The following AKAP7 variants were observed in gnomAD, a reference collection of about 807,000 sequenced individuals.
AKAP7 encodes the protein A-kinase anchoring protein 7, also known as A kinase (PRKA) anchor protein 7.
A neutral mutation model predicts 39.5 loss-of-function variants in AKAP7; 39 were observed. That is an observed-to-expected ratio of 0.99 (90% CI 0.76 to 1.29). The LOEUF (loss-of-function observed/expected upper bound fraction) is 1.29, where lower values mean the gene tolerates loss of function less well. Ranked by LOEUF, AKAP7 falls within the 50% of genes most tolerant of loss-of-function variation. AKAP7 has a pLI of 0.00. For synonymous variants in AKAP7, 140 were observed against 139.1 expected (o/e 1.01, Z -0.05); for missense variants, 414 against 407.7 (o/e 1.02, Z -0.13).
At chr6:131,232,229 G>T (rs958259757) in intron 7 of AKAP7, among the ~76,000 whole-genome samples, 3 of 152,174 alleles carry the variant, frequency 2.0e-5, no homozygotes, top group Non-Finnish European at 2.9e-5. Flanking sequence ...CTAAAATGAT[G>T]CAGTAGTAAG....
rs75701714 is a variant in AKAP7 at position 131,198,666 on chromosome 6, T to A, written c.590-795T>A. Among the ~76,000 whole-genome samples the A allele has an allele frequency of 4.6e-3, 702 of 152,288 alleles. 5 individuals carry two copies. Among genetic ancestry groups the A allele is most frequent in the Middle Eastern group, 0.014 (4 of 294 alleles). On this transcript the variant is annotated intron_variant, in intron 5 of 7. Transcript: ENST00000431975. ...AATGGAACAGTATTCCTGGGCTCCA[T>A]CTGGGTTTCTCCTACTTATAGAAGG...
chr6:131,173,177 G>A (rs1804241237), intron 5 of AKAP7, among the ~76,000 whole-genome samples: 1 of 146,346 alleles, frequency 6.8e-6, no homozygotes. Flanking sequence ...CTCCAGCCTA[G>A]GTGACAGAGC....
chr6:131,150,763 A>G (rs915514418), intron 2 of AKAP7, among the ~76,000 whole-genome samples: 2 of 152,140 alleles, frequency 1.3e-5, no homozygotes, highest in Non-Finnish European at 2.9e-5. Flanking sequence ...TCCAGGCTCA[A>G]GTTCATTCAT....
intron 7 of AKAP7, among the ~76,000 whole-genome samples, chr6:131,221,725 C>T (rs1809712571): frequency 6.6e-6 from 1 of 152,164 alleles, no homozygotes; most frequent in Non-Finnish European, 1.5e-5. Flanking sequence ...TCTGTCTATA[C>T]TTTATAAATG....
At chr6:131,212,749 T>G (rs368545503) in intron 6 of AKAP7, among the ~76,000 whole-genome samples, 1 of 151,914 alleles carries the variant, frequency 6.6e-6, no homozygotes, top group South Asian at 2.1e-4. Flanking sequence ...GAGAATGATG[T>G]TGGGGGTTAG....
rs75636485 is a variant in AKAP7, at chr6:131,196,452, C to T, written c.590-3009C>T. Among the ~76,000 whole-genome samples the T allele has an allele frequency of 0.014, 2,164 of 151,886 alleles. 146 individuals are homozygous for T. The East Asian group carries it at 0.18, about 12-fold the overall frequency. ...CTAATTTTTGTATTTTTAATAGAGA[C>T]GAGGTTTCACCATGTTGGCCAGGCT... On this transcript the variant is annotated intron_variant, in intron 5 of 7. Coordinates refer to ENST00000431975, the MANE Select transcript of AKAP7 (RefSeq NM_016377.4).
chr6:131,229,725 A>G (rs997195756), intron 7 of AKAP7, among the ~76,000 whole-genome samples: 4 of 152,206 alleles, frequency 2.6e-5, no homozygotes, highest in African/African-American at 9.6e-5. Context: ...GCACATACTT[A>G]AAAGTATACA....
intron 7 of AKAP7, chr6:131,253,065 C>G: frequency 1.2e-6 from 2 of 1,613,594 alleles, no homozygotes; most frequent in Non-Finnish European, 1.7e-6. Flanking sequence ...CCTCTGCAGT[C>G]CTACAGAGAT....
At chr6:131,165,602 T>C (rs1252439288) in intron 4 of AKAP7, among the ~76,000 whole-genome samples, 2 of 152,182 alleles carry the variant, frequency 1.3e-5, no homozygotes, top group Non-Finnish European at 2.9e-5. Flanking sequence ...ATAGTACCAA[T>C]ACATGCAAGA....
chr6:131,168,990 G>C, intron 4 of AKAP7, 123 bp from the exon 5 acceptor site: 2 of 835,474 alleles, frequency 2.4e-6, no homozygotes, highest in South Asian at 4.0e-5. Context: ...GGTATTTTGA[G>C]CCTTAAAATA....
intron 7 of AKAP7, among the ~76,000 whole-genome samples, chr6:131,262,176 T>C (rs181466553): frequency 3.3e-5 from 5 of 152,280 alleles, no homozygotes; most frequent in African/African-American, 1.2e-4. Flanking sequence ...CCATCTGCTA[T>C]TGGAACCAGT....
At chr6:131,257,594 TGTG>T (rs1381757049) in intron 7 of AKAP7, among the ~76,000 whole-genome samples, 4 of 152,074 alleles carry the variant, frequency 2.6e-5, no homozygotes, top group Non-Finnish European at 4.4e-5. Flanking sequence ...AGGAGAGACA[TGTG>T]GTCCTAGCAA....
At chr6:131,218,007 A>T (rs1809342012) in intron 6 of AKAP7, among the ~76,000 whole-genome samples, 1 of 152,156 alleles carries the variant, frequency 6.6e-6, no homozygotes, top group Admixed American at 6.5e-5. Context: ...GAATGAAGTT[A>T]TTACATAAAG....
intron 7 of AKAP7, among the ~76,000 whole-genome samples, chr6:131,276,630 G>A (rs937732245): frequency 4.6e-5 from 7 of 152,156 alleles, no homozygotes; most frequent in Non-Finnish European, 7.4e-5. Flanking sequence ...AGGGGAGGAT[G>A]CTTAGGAAGC....
chr6:131,130,954 T>A (rs1053656607), upstream of AKAP7, among the ~76,000 whole-genome samples: 6 of 152,162 alleles, frequency 3.9e-5, no homozygotes, highest in Admixed American at 6.6e-5. Context: ...AATTAAAAAA[T>A]TTTTAAAAAA....
chr6:131,154,055 C>CA (rs1306424247), intron 2 of AKAP7, among the ~76,000 whole-genome samples: 2 of 151,932 alleles, frequency 1.3e-5, no homozygotes, highest in Non-Finnish European at 2.9e-5. Context: ...ACTAAAAATA[C>CA]AAAAAATTAG....
At chr6:131,206,227 C>G (rs1376403307) in intron 6 of AKAP7, among the ~76,000 whole-genome samples, 4 of 152,096 alleles carry the variant, frequency 2.6e-5, no homozygotes, top group Admixed American at 2.6e-4. Context: ...AGGTATCTTC[C>G]CTGATTTATG....
At chr6:131,156,899 C>T (rs1031601758) in intron 2 of AKAP7, among the ~76,000 whole-genome samples, 6 of 151,876 alleles carry the variant, frequency 4.0e-5, no homozygotes, top group Admixed American at 1.3e-4. Flanking sequence ...CTCAGCTTCC[C>T]GAGTAGCTGG....
At chr6:131,160,305 G>A (rs1398174668) in intron 3 of AKAP7, 107 bp downstream of exon 3, 6 of 1,163,814 alleles carry the variant, frequency 5.2e-6, no homozygotes, top group Non-Finnish European at 7.4e-6. Context: ...AGTATTTGGT[G>A]GCATTTTAGC....
Sources: allele counts gnomAD v4.1 joint callset (sites outside exome capture counted in the v4.1 genomes callset), GRCh38; gene constraint gnomAD v4.1.1; transcripts MANE v1.5; gene names NCBI Gene and HGNC (gene_info 2026-07-23, HGNC 2026-07-21).